Variants in PHACTR3 observed in about 807,000 individuals in gnomAD.
PHACTR3 encodes protein phosphatase 1, regulatory subunit 123.
In PHACTR3, 16 loss-of-function variants were observed where a neutral mutation model predicts 66.8. The ratio of observed to expected loss-of-function variants is 0.24; its 90% confidence interval spans 0.16 to 0.36. The LOEUF is 0.36. PHACTR3 is among the 10% of genes least tolerant of loss of function. The pLI is 1.00. For missense variants in PHACTR3, 647 were observed against 719.9 expected (o/e 0.90, Z 1.16); for synonymous variants, 323 against 292.1 (o/e 1.11, Z -1.08).
intron 8 of PHACTR3, among the ~76,000 whole-genome samples, chr20:59,823,032 G>T (rs564079473): frequency 4.4e-4 from 67 of 152,354 alleles, no homozygotes; most frequent in African/African-American, 1.5e-3. Context: ...GAGCTGGAGG[G>T]CAAGGCAGGC....
At position 59,788,950 on chromosome 20, in the gene PHACTR3, C is replaced by T. The variant is rs917905917; in HGVS notation, c.1174+14460C>T. The stretch of plus-strand genomic sequence containing the variant: ...CCTCAAGACCCCCAGAGTCTGGTGT[C>T]GGCATCTATAACAGTGTCACTGTTG... On this transcript the variant is annotated intron_variant, in intron 7 of 12. Coordinates refer to ENST00000371015, the MANE Select transcript of PHACTR3 (RefSeq NM_080672.5). Among the ~76,000 whole-genome samples, 167 of 152,298 alleles carry T rather than the reference C, an allele frequency of 1.1e-3. 3 individuals are homozygous for T. Among genetic ancestry groups the T allele is most frequent in the African/African-American group, 3.7e-3 (154 of 41,564 alleles).
At chr20:59,658,622 TTC>T (rs2035703478) in intron 1 of PHACTR3, among the ~76,000 whole-genome samples, 1 of 152,318 alleles carries the variant, frequency 6.6e-6, no homozygotes, top group East Asian at 1.9e-4. Flanking sequence ...TCTCTTTGAC[TTC>T]TCTCTTCTGC....
At chr20:59,674,443 CCTT>C (rs767004927) in intron 1 of PHACTR3, among the ~76,000 whole-genome samples, 17 of 137,880 alleles carry the variant, frequency 1.2e-4, no homozygotes, top group Non-Finnish European at 2.2e-4. Flanking sequence ...TTCTCCTGTT[CCTT>C]CCCCTTCTCC....
At chr20:59,776,145 C>T (rs1054509727) in intron 7 of PHACTR3, among the ~76,000 whole-genome samples, 21 of 152,182 alleles carry the variant, frequency 1.4e-4, no homozygotes, top group African/African-American at 4.8e-4. Context: ...GAACTGCTTC[C>T]TCTTGACATT....
rs370402173 is a variant in PHACTR3, at chr20:59,756,607, G to A, written c.541+1243G>A. On this transcript the variant is annotated intron_variant, in intron 4 of 12. Transcript: ENST00000371015. ...ACTTCTGGAGGGTCCCAGCTCTCAC[G>A]CAGAGGCCCCCTCCACACACACAGG... Among the ~76,000 whole-genome samples the A allele has an allele frequency of 4.6e-4, 70 of 152,152 alleles. 2 individuals carry two copies. In the South Asian group the frequency reaches 0.014, roughly 31 times the overall value.
At chr20:59,677,352 T>C (rs6100546) in intron 1 of PHACTR3, among the ~76,000 whole-genome samples, 42,810 of 151,992 alleles carry the variant, frequency 0.28, 7,168 homozygotes, top group African/African-American at 0.46. Context: ...GGTGGGAGTG[T>C]GGGAGTGGGT....
intron 1 of PHACTR3, among the ~76,000 whole-genome samples, chr20:59,639,504 C>T (rs766377940): frequency 5.3e-5 from 8 of 152,158 alleles, no homozygotes; most frequent in Non-Finnish European, 1.2e-4. Context: ...CTCATCTTCT[C>T]CCCACGTTCC....
chr20:59,625,740 T>G (rs2034423599), intron 1 of PHACTR3, among the ~76,000 whole-genome samples: 1 of 152,142 alleles, frequency 6.6e-6, no homozygotes, highest in Non-Finnish European at 1.5e-5. Flanking sequence ...TTCCTCTGCA[T>G]GCACCGTCTC....
chr20:59,726,695 G>A (rs1169363598), intron 1 of PHACTR3, among the ~76,000 whole-genome samples: 2 of 152,108 alleles, frequency 1.3e-5, no homozygotes, highest in African/African-American at 4.8e-5. Flanking sequence ...TGCCAATCAT[G>A]CTAGATATAA....
intron 2 of PHACTR3, among the ~76,000 whole-genome samples, chr20:59,747,186 G>C (rs770119224): frequency 2.0e-5 from 3 of 152,230 alleles, no homozygotes; most frequent in Non-Finnish European, 4.4e-5. Context: ...GGCAAATTAG[G>C]CTTGGTGGAA....
At chr20:59,704,890 T>C (rs184501749) in intron 1 of PHACTR3, among the ~76,000 whole-genome samples, 35 of 152,196 alleles carry the variant, frequency 2.3e-4, no homozygotes, top group Admixed American at 1.9e-3. Context: ...GGAGAACTGA[T>C]ATTTTTACCA....
intron 1 of PHACTR3, among the ~76,000 whole-genome samples, chr20:59,589,405 A>C (rs959429259): frequency 6.6e-6 from 1 of 152,200 alleles, no homozygotes; most frequent in Non-Finnish European, 1.5e-5. Context: ...GACGGCCGTT[A>C]CTATTTATAG....
upstream of PHACTR3, among the ~76,000 whole-genome samples, chr20:59,600,180 G>A (rs2033435228): frequency 6.6e-6 from 1 of 152,128 alleles, no homozygotes; most frequent in Admixed American, 6.5e-5. Flanking sequence ...TGTCCAGTTG[G>A]CTTCCATTTG....
chr20:59,796,592 T>TC (rs1046696394), intron 7 of PHACTR3, among the ~76,000 whole-genome samples: 1 of 152,174 alleles, frequency 6.6e-6, no homozygotes, highest in Non-Finnish European at 1.5e-5. Flanking sequence ...AGATTGTATT[T>TC]CCTCCATTTC....
chr20:59,614,117 CTG>C (rs1332091568), intron 1 of PHACTR3, among the ~76,000 whole-genome samples: 1 of 152,222 alleles, frequency 6.6e-6, no homozygotes, highest in Non-Finnish European at 1.5e-5. Context: ...CCAAGTGAGT[CTG>C]AGGCCTGGCC....
intron 1 of PHACTR3, among the ~76,000 whole-genome samples, chr20:59,668,065 CACATACACCTGTACGGACTT>C (rs1195956673): frequency 2.6e-5 from 4 of 152,202 alleles, no homozygotes; most frequent in East Asian, 1.9e-4. Context: ...TAGAGGTGGG[CACATACACCTGTACGGACTT>C]AGAGGTGGGC....
chr20:59,720,982 C>T (rs574795804), intron 1 of PHACTR3, among the ~76,000 whole-genome samples: 2 of 152,214 alleles, frequency 1.3e-5, no homozygotes, highest in South Asian at 2.1e-4. Flanking sequence ...TGGTACACCA[C>T]GGTGCTTAGA....
At chr20:59,792,559 A>G (rs1031216171) in intron 7 of PHACTR3, among the ~76,000 whole-genome samples, 2 of 152,212 alleles carry the variant, frequency 1.3e-5, no homozygotes, top group Non-Finnish European at 2.9e-5. Context: ...CTATGCCTAT[A>G]TGCAGAATTC....
chr20:59,605,004 C>A lies in PHACTR3; in HGVS notation c.-11C>A. On this transcript the variant is annotated 5_prime_UTR_variant, in exon 1 of 13. Coordinates refer to ENST00000371015, the MANE Select transcript of PHACTR3 (RefSeq NM_080672.5). ...GGCTCGCTCTAACTTGCCCCCGCGC[C>A]GGCCGGGCCCATGGCCGCGTCGGAG... is the stretch of plus-strand genomic sequence containing the variant. 7.6e-7 allele frequency: 1 copy of A among 1,307,456 alleles called. No homozygotes were observed. The allele number at this position is 1,307,456 out of a possible 1,614,324, so 81.0% of individuals were successfully genotyped here.
Sources: allele counts gnomAD v4.1 joint callset (sites outside exome capture counted in the v4.1 genomes callset), GRCh38; gene constraint gnomAD v4.1.1; transcripts MANE v1.5; gene names NCBI Gene and HGNC (gene_info 2026-07-23, HGNC 2026-07-21).